TMEM233: variants seen among roughly 807,000 people sequenced by gnomAD.
TMEM233 encodes the protein dispanin subfamily B member 2.
Under a neutral mutation model 11.2 loss-of-function variants are expected in TMEM233, and 6 were observed. The ratio of observed to expected loss-of-function variants is 0.54; its 90% CI spans 0.29 to 1.06. TMEM233 has a LOEUF of 1.06. TMEM233 is among the 50% of genes least tolerant of loss of function. The pLI is 0.08. For synonymous variants in TMEM233, 59 were observed against 55.8 expected, an observed-to-expected ratio of 1.06 and a Z score of -0.26; for missense variants, 127 against 144.7, an observed-to-expected ratio of 0.88 and a Z score of 0.63.
At chr12:119,638,046 C>A (rs1448166788) in intron 2 of TMEM233, among the ~76,000 whole-genome samples, 1 of 152,126 alleles carries the variant, frequency 6.6e-6, no homozygotes, top group African/African-American at 2.4e-5. Flanking sequence ...ATCCAGGCAC[C>A]CACCAACCCA....
In TMEM233 at chr12:119,593,948, C is replaced by G; in HGVS notation, c.100C>G (p.Pro34Ala). The change falls in exon 1 of 3, where the codon CCC becomes GCC. Residue 34 changes from proline (P) to alanine (A), a missense_variant. Physicochemically the swap from Pro to Ala is conservative, Grantham distance 27. Transcript: ENST00000426426. The surrounding 1 kb of genome is among the most constrained non-coding windows in gnomAD (Gnocchi z 4.1). ...DDKTEEDVPMPKNYLWLTIVS... is the reference protein window; with the variant it reads ...DDKTEEDVPMAKNYLWLTIVS... Reference sequence around the variant, plus strand: ...CAAGACCGAGGAGGACGTGCCCATGCCCAAGAACTACCTGTGGCTCACCAT... The same window carrying G: ...CAAGACCGAGGAGGACGTGCCCATGGCCAAGAACTACCTGTGGCTCACCAT... 1 of 1,551,726 alleles carries G rather than the reference C, an allele frequency of 6.4e-7. No individual in the cohort carries two copies. The highest frequency in any genetic ancestry group is 1.2e-5 in the South Asian group (1 of 84,046).
chr12:119,626,005 A>C (rs1347662092), intron 1 of TMEM233, among the ~76,000 whole-genome samples: 3 of 152,200 alleles, frequency 2.0e-5, no homozygotes, highest in African/African-American at 7.2e-5. Context: ...AGGTTCATCT[A>C]GTTTTCTTTA....
chr12:119,609,613 T>A (rs548056420), intron 1 of TMEM233, among the ~76,000 whole-genome samples: 1 of 152,336 alleles, frequency 6.6e-6, no homozygotes, highest in South Asian at 2.1e-4. Flanking sequence ...TCCAAGCTGC[T>A]TCAGCTCCAG....
intron 1 of TMEM233, among the ~76,000 whole-genome samples, chr12:119,614,356 G>A (rs1954476483): frequency 6.6e-6 from 1 of 151,970 alleles, no homozygotes; most frequent in African/African-American, 2.4e-5. Context: ...TCAGTGAGCC[G>A]AGATTGCACC....
rs1283429862 is a variant in TMEM233, at chr12:119,629,784, G to A, written c.235G>A (p.Gly79Arg). 1 of 1,551,664 alleles carries A rather than the reference G, an allele frequency of 6.4e-7. No homozygotes were observed. Among genetic ancestry groups the A allele is most frequent in the South Asian group, 1.2e-5 (1 of 84,052 alleles). Residue 79 changes from glycine (G) to arginine (R), a missense_variant, in exon 2 of 3, where the codon GGG (glycine) becomes AGG (arginine). Transcript: ENST00000426426. ...AGACTACGAAGGAGCCAGGCGGCTTGGGCGGAATGCTAAGTGGGTAGCCAT... is the reference window on the plus strand; with the variant it reads ...AGACTACGAAGGAGCCAGGCGGCTTAGGCGGAATGCTAAGTGGGTAGCCAT... ...DGDYEGARRL[G>R]RNAKWVAIAS...
At chr12:119,608,492 G>A (rs570118345) in intron 1 of TMEM233, among the ~76,000 whole-genome samples, 9 of 152,384 alleles carry the variant, frequency 5.9e-5, no homozygotes, top group African/African-American at 1.9e-4. Flanking sequence ...AGGAGGCTGA[G>A]GGAGTGGCAA....
chr12:119,645,320 C>CAAAAAAAAAA (rs3078450), downstream of TMEM233, among the ~76,000 whole-genome samples: 4,369 of 73,190 alleles, frequency 0.06, 354 homozygotes, highest in Non-Finnish European at 0.07. Context: ...CACCAATTAC[C>CAAAAAAAAAA]AAAAAAAAAA....
chr12:119,650,337 TTGTC>T, the TMEM233 span, among the ~76,000 whole-genome samples: 6 of 152,088 alleles, frequency 3.9e-5, no homozygotes, highest in South Asian at 2.1e-4. Flanking sequence ...GTTAAATAAT[TTGTC>T]TGAGGCACAA....
At chr12:119,625,724 T>G (rs1311158855) in intron 1 of TMEM233, among the ~76,000 whole-genome samples, 1 of 152,190 alleles carries the variant, frequency 6.6e-6, no homozygotes, top group East Asian at 1.9e-4. Context: ...ATAGTTAACA[T>G]TTTTTGCCAT....
rs115402531 is a variant in TMEM233 at position 119,621,476 on chromosome 12, C to G, written c.187-8260C>G. 6.5e-3 allele frequency among the ~76,000 whole-genome samples: 984 copies of G among 151,224 alleles called. 8 individuals carry two copies. The highest frequency in any genetic ancestry group is 0.023 in the African/African-American group (959 of 41,176). ...GGGATTACAGGTATGAGCCACTGCA[C>G]CTGGCCTATTCATATGCTTAGAACA... is the stretch of plus-strand genomic sequence containing the variant. On this transcript the variant is annotated intron_variant, in intron 1 of 2. Transcript: ENST00000426426.
downstream of TMEM233, among the ~76,000 whole-genome samples, chr12:119,646,823 C>A (rs1400564325): frequency 6.6e-6 from 1 of 152,248 alleles, no homozygotes; most frequent in African/African-American, 2.4e-5. Flanking sequence ...TTAATTCCAT[C>A]TGCTCCCTTA....
intron 1 of TMEM233, among the ~76,000 whole-genome samples, chr12:119,619,055 T>A (rs1410468117): frequency 6.6e-6 from 1 of 152,160 alleles, no homozygotes; most frequent in Non-Finnish European, 1.5e-5. Context: ...GTTTCCCCCA[T>A]GCTATTCATG....
intron 1 of TMEM233, among the ~76,000 whole-genome samples, chr12:119,609,172 CT>C (rs1954343989): frequency 6.6e-6 from 1 of 152,064 alleles, no homozygotes; most frequent in African/African-American, 2.4e-5. Context: ...AGATAAGGAA[CT>C]TTTTGGGAAC....
chr12:119,604,525 T>C (rs1230270895), intron 1 of TMEM233, among the ~76,000 whole-genome samples: 2 of 152,350 alleles, frequency 1.3e-5, no homozygotes, highest in South Asian at 2.1e-4. Context: ...GCTATTGATA[T>C]GGGAAGATTG....
rs1396645947 is a variant in TMEM233, at chr12:119,640,743, G to A, written c.*38G>A. ...CAGTGGGCTGTGAGCGTGGAGGATG[G>A]ACCTCATCCACACACACCCCAAAGG... On this transcript the variant is annotated 3_prime_UTR_variant, in exon 3 of 3. Transcript: ENST00000426426. 31 of 1,549,384 alleles carry A rather than the reference G, an allele frequency of 2.0e-5. No homozygotes were observed. The highest frequency in any genetic ancestry group is 1.7e-4 in the Middle Eastern group (1 of 6,012).
At chr12:119,628,568 T>C (rs9668714) in intron 1 of TMEM233, among the ~76,000 whole-genome samples, 112,112 of 146,402 alleles carry the variant, frequency 0.77, 43,141 homozygotes, top group Middle Eastern at 0.85. Flanking sequence ...GGCACGATCT[T>C]GGCTCACTGC....
rs1955102680 is a variant in TMEM233 at position 119,642,764 on chromosome 12, A to C, written c.*2059A>C. 1 of 150,650 alleles carries C rather than the reference A, an allele frequency of 6.6e-6. No homozygotes were observed. Among genetic ancestry groups the C allele is most frequent in the Non-Finnish European group, 1.5e-5 (1 of 67,866 alleles). 9.3% of individuals were successfully genotyped at this position (150,650 alleles called of 1,614,324 possible). On this transcript the variant is annotated 3_prime_UTR_variant, in exon 3 of 3. Transcript: ENST00000426426. ...AGAATTCTAAGTACTATACCAATAC[A>C]AATTTCAGCATTTTTTCATATACTG...
chr12:119,604,225 T>C (rs187031279), intron 1 of TMEM233, among the ~76,000 whole-genome samples: 36 of 152,300 alleles, frequency 2.4e-4, no homozygotes, highest in Admixed American at 1.9e-3. Context: ...AAACTAGTTG[T>C]GTGTGGTGAT....
chr12:119,623,523 C>T (rs1954687396), intron 1 of TMEM233, among the ~76,000 whole-genome samples: 1 of 140,714 alleles, frequency 7.1e-6, no homozygotes, highest in Non-Finnish European at 1.5e-5. Context: ...GCCTGGACAA[C>T]ATGGCAAAAC....
Sources: gnomAD v4.1 joint callset for allele counts (sites outside exome capture counted in the v4.1 genomes callset) on GRCh38, gnomAD v4.1.1 for gene constraint, Gnocchi (gnomAD v3.1) non-coding constraint, MANE v1.5 for transcripts, NCBI Gene and HGNC (gene_info 2026-07-23, HGNC 2026-07-21) for gene names.